Variants in PRPF18 observed in about 807,000 individuals in gnomAD.
The protein encoded by PRPF18 is pre-mRNA-splicing factor 18.
PRPF18 carries 38 observed loss-of-function variants against 46.5 expected under a neutral mutation model. The observed-to-expected ratio is 0.82, with a 90% CI of 0.63 to 1.07. PRPF18 has a LOEUF of 1.07. Ranked by LOEUF, PRPF18 falls within the 50% of genes least tolerant of loss-of-function variation. PRPF18 has a pLI of 0.00. For missense variants in PRPF18, 263 were observed against 410.0 expected, an observed-to-expected ratio of 0.64 and a Z score of 3.10; for synonymous variants, 152 against 146.7, an observed-to-expected ratio of 1.04 and a Z score of -0.26.
At chr10:13,629,232 T>A (rs893098301) in intron 9 of PRPF18, among the ~76,000 whole-genome samples, 10 of 152,228 alleles carry the variant, frequency 6.6e-5, no homozygotes, top group Non-Finnish European at 1.2e-4. Context: ...TAAAAACAGC[T>A]AAGGGTCTTG....
At chr10:13,599,608 A>AT (rs1156327494) in intron 2 of PRPF18, among the ~76,000 whole-genome samples, 1 of 152,158 alleles carries the variant, frequency 6.6e-6, no homozygotes, top group Non-Finnish European at 1.5e-5. Flanking sequence ...ATGAACAAGA[A>AT]TGCCCACTGT....
chr10:13,620,407 T>A (rs1425016992), intron 9 of PRPF18, among the ~76,000 whole-genome samples: 1 of 152,246 alleles, frequency 6.6e-6, no homozygotes, highest in Non-Finnish European at 1.5e-5. Context: ...AATTATTTCT[T>A]TTTAAATTGC....
intron 1 of PRPF18, among the ~76,000 whole-genome samples, chr10:13,589,235 G>T (rs560502007): frequency 6.6e-6 from 1 of 152,282 alleles, no homozygotes; most frequent in South Asian, 2.1e-4. Flanking sequence ...TGGGGAAGTT[G>T]TCTGCCAAAT....
rs763067486 is a variant in PRPF18 at position 13,610,171 on chromosome 10, A to G, written c.496A>G (p.Ile166Val). The G allele has an allele frequency of 4.3e-6, 7 of 1,613,940 alleles. No homozygotes were observed. Among genetic ancestry groups the G allele is most frequent in the Admixed American group, 1.7e-5 (1 of 59,990 alleles). ...DLKVHEENTT[I>V]EELEALGESL... Reference sequence around the variant, plus strand: ...GAAAGTTCATGAGGAAAACACCACAATTGAAGAGTTAGAGGTAATCTCTAC... The same window carrying G: ...GAAAGTTCATGAGGAAAACACCACAGTTGAAGAGTTAGAGGTAATCTCTAC... The change falls in exon 5 of 10, where the codon ATT becomes GTT. Residue 166 changes from isoleucine to valine, a missense_variant. By Grantham distance (29) the Ile-to-Val change is conservative. This residue lies in a region of PRPF18 where 155 missense variants were observed against 245.1 expected (regional missense o/e 0.63). Transcript: ENST00000378572.
At chr10:13,621,608 C>T (rs1325163267) in intron 9 of PRPF18, among the ~76,000 whole-genome samples, 1 of 152,178 alleles carries the variant, frequency 6.6e-6, no homozygotes, top group African/African-American at 2.4e-5. Context: ...TTGTAACATC[C>T]TCGAAACTAC....
At chr10:13,653,571 A>C in the PRPF18 span, 2 of 152,264 alleles carry the variant, frequency 1.3e-5, no homozygotes, top group Non-Finnish European at 2.9e-5. Flanking sequence ...TCATGATTCA[A>C]CTCACAGCCA....
intron 1 of PRPF18, chr10:13,591,593 T>C: frequency 1.5e-6 from 1 of 674,104 alleles, no homozygotes; most frequent in South Asian, 1.6e-5. Flanking sequence ...CTTGTGCTGC[T>C]CTGTAATCTT....
rs2080303466 is a variant in PRPF18, at chr10:13,613,775, C to G, written c.614C>G (p.Ala205Gly). Reference sequence around the variant, plus strand: ...GGCGTTTGGGCTAAAGAATTGAATGCCAGAGAAGATTATGTGAAACGCAGT... The same window carrying G: ...GGCGTTTGGGCTAAAGAATTGAATGGCAGAGAAGATTATGTGAAACGCAGT... ...LLGVWAKELN[A>G]REDYVKRSVQ... The change falls in exon 7 of 10, where the codon GCC becomes GGC. Residue 205 changes from alanine (A) to glycine (G), a missense_variant. By Grantham distance (60) the Ala-to-Gly change is moderately conservative. Coordinates refer to ENST00000378572, the MANE Select transcript of PRPF18 (RefSeq NM_003675.4). 6.2e-7 allele frequency: 1 copy of G among 1,613,676 alleles called. No homozygotes were observed. Among genetic ancestry groups the G allele is most frequent in the Non-Finnish European group, 8.5e-7 (1 of 1,179,928 alleles).
intron 9 of PRPF18, among the ~76,000 whole-genome samples, chr10:13,622,206 C>T (rs1380846328): frequency 7.6e-6 from 1 of 131,136 alleles, no homozygotes; most frequent in Non-Finnish European, 1.8e-5. Flanking sequence ...CTGTCTACCC[C>T]CTTAATCTTC....
intron 1 of PRPF18, chr10:13,591,643 G>T (rs980844543): frequency 1.5e-5 from 9 of 619,152 alleles, no homozygotes; most frequent in South Asian, 8.7e-5. Flanking sequence ...CAGCTTCCTG[G>T]TGTCTGGGCT....
intron 4 of PRPF18, among the ~76,000 whole-genome samples, chr10:13,607,077 A>G (rs1353321403): frequency 1.3e-5 from 2 of 152,072 alleles, no homozygotes; most frequent in African/African-American, 4.8e-5. Context: ...AGTGTCTGTT[A>G]AAGTCTTTCT....
chr10:13,591,666 G>A (rs2079963531), intron 1 of PRPF18: 1 of 628,008 alleles, frequency 1.6e-6, no homozygotes, highest in Admixed American at 2.7e-5. Context: ...TGCAGCTGCT[G>A]CTGCTTGAAT....
chr10:13,603,704 C>T (rs1268239085), intron 3 of PRPF18, among the ~76,000 whole-genome samples: 2 of 152,076 alleles, frequency 1.3e-5, no homozygotes, highest in Non-Finnish European at 2.9e-5. Context: ...AGAAATAAAG[C>T]GTCTAGATCA....
downstream of PRPF18, among the ~76,000 whole-genome samples, chr10:13,633,352 G>C (rs1357695894): frequency 6.6e-6 from 1 of 152,132 alleles, no homozygotes; most frequent in East Asian, 1.9e-4. Flanking sequence ...TCTGCCTTCT[G>C]GTGATATCCT....
chr10:13,597,655 A>G lies in PRPF18; in HGVS notation c.144+120A>G, dbSNP rs549849533. 5.0e-6 allele frequency: 8 copies of G among 1,604,660 alleles called. No homozygotes were observed. The Admixed American group carries it at 1.3e-4, about 27-fold the overall frequency. On this transcript the variant is annotated intron_variant, in intron 2 of 9. Transcript: ENST00000378572. ...ATCAATATACGTTAGCCTATAAATG[A>G]GAAGCCATCTGGAGAGGTATGAGTT...
intron 9 of PRPF18, among the ~76,000 whole-genome samples, chr10:13,621,267 C>T (rs1178272804): frequency 1.3e-5 from 2 of 152,166 alleles, no homozygotes; most frequent in Non-Finnish European, 2.9e-5. Context: ...GTGACTTTAC[C>T]AGCAACACTG....
chr10:13,617,559 G>A lies in PRPF18; in HGVS notation c.948+1006G>A, dbSNP rs567451738. ...AAGCTTTTAGCTGAAAAAAAAAAAA[G>A]TTGCTTAGCTTTAACAATAGAAAAC... is the stretch of plus-strand genomic sequence containing the variant. On this transcript the variant is annotated intron_variant, in intron 9 of 9. Coordinates refer to ENST00000378572, the MANE Select transcript of PRPF18 (RefSeq NM_003675.4). 9.3e-3 allele frequency among the ~76,000 whole-genome samples: 1,206 copies of A among 129,494 alleles called. 12 individuals are homozygous for A. The highest frequency in any genetic ancestry group is 0.03 in the Middle Eastern group (7 of 230). The allele number at this position is 129,494 out of a possible 152,430, so 85.0% of individuals were successfully genotyped here. A position where few individuals can be genotyped will look rare whatever the true frequency, so the allele number is the denominator to read the frequency against.
At chr10:13,600,526 A>G (rs1459692196) in intron 3 of PRPF18, among the ~76,000 whole-genome samples, 178 bp downstream of exon 3, 1 of 152,164 alleles carries the variant, frequency 6.6e-6, no homozygotes, top group African/African-American at 2.4e-5. Context: ...TTTTCTTGGT[A>G]TTATTATCTT....
At chr10:13,626,099 A>C (rs1344332350) in intron 9 of PRPF18, among the ~76,000 whole-genome samples, 1 of 152,184 alleles carries the variant, frequency 6.6e-6, no homozygotes, top group Non-Finnish European at 1.5e-5. Flanking sequence ...TTGGGATTGG[A>C]ATGTGGGCAG....
Sources: gnomAD v4.1 joint callset for allele counts (sites outside exome capture counted in the v4.1 genomes callset) on GRCh38, gnomAD v4.1.1 for gene constraint, gnomAD v4.1.1 regional missense constraint, MANE v1.5 for transcripts, NCBI Gene and HGNC (gene_info 2026-07-23, HGNC 2026-07-21) for gene names.